STYK1: variants seen among roughly 807,000 people sequenced by gnomAD.
The protein encoded by STYK1 is tyrosine-protein kinase STYK1.
A neutral mutation model predicts 48.1 loss-of-function variants in STYK1; 46 were observed. The observed-to-expected ratio is 0.96, with a 90% CI of 0.75 to 1.22. STYK1 has a LOEUF of 1.22. Ranked by LOEUF, STYK1 falls within the 50% of genes most tolerant of loss-of-function variation. The pLI, the probability that STYK1 is intolerant of heterozygous loss-of-function variation, is 0.00. For synonymous variants in STYK1, 188 were observed against 189.0 expected (o/e 0.99, Z 0.04); for missense variants, 527 against 521.1 (o/e 1.01, Z -0.11).
chr12:10,673,036 G>A (rs1254346823), intron 1 of STYK1, among the ~76,000 whole-genome samples: 1 of 151,900 alleles, frequency 6.6e-6, no homozygotes, highest in Non-Finnish European at 1.5e-5. Context: ...AAGGAAGTGT[G>A]GTCTCATAGG....
At position 10,641,971 on chromosome 12, in the gene STYK1, C is replaced by T. The variant is rs546622365; in HGVS notation, c.-194-4775G>A. ...TTTGGTGGGTGATTCATTCAGCATC[C>T]GGAAGCATGTCACCTGACCTTGCCA... On this transcript the variant is annotated intron_variant, in intron 1 of 10. Coordinates refer to ENST00000075503, the MANE Select transcript of STYK1 (RefSeq NM_018423.3). Among the ~76,000 whole-genome samples the T allele has an allele frequency of 1.4e-4, 21 of 152,290 alleles. No homozygotes were observed. In the South Asian group the frequency reaches 3.1e-3, roughly 23 times the overall value.
intron 2 of STYK1, among the ~76,000 whole-genome samples, chr12:10,636,674 A>G (rs1014385470): frequency 1.3e-5 from 2 of 152,202 alleles, no homozygotes; most frequent in African/African-American, 4.8e-5. Context: ...TGCTATTATC[A>G]TTCTTATTTT....
chr12:10,660,415 C>T (rs954024506), intron 1 of STYK1, among the ~76,000 whole-genome samples: 3 of 152,124 alleles, frequency 2.0e-5, no homozygotes, highest in South Asian at 4.1e-4. Flanking sequence ...GAAGATGGAT[C>T]GTCATCCCTC....
At chr12:10,637,043 A>T (rs2120673558) in intron 2 of STYK1, 28 bp downstream of exon 2, 1 of 152,254 alleles carries the variant, frequency 6.6e-6, no homozygotes, top group Non-Finnish European at 1.5e-5. Context: ...CCTTACACTA[A>T]CTATCACACC....
At chr12:10,640,054 T>C (rs532599706) in intron 1 of STYK1, among the ~76,000 whole-genome samples, 1 of 152,300 alleles carries the variant, frequency 6.6e-6, no homozygotes, top group East Asian at 1.9e-4. Flanking sequence ...GAATCAGAAT[T>C]TTTTTCCTAG....
chr12:10,658,039 TG>T (rs554568165), intron 1 of STYK1, among the ~76,000 whole-genome samples: 80 of 152,326 alleles, frequency 5.3e-4, no homozygotes, highest in African/African-American at 1.9e-3. Flanking sequence ...GAGCAAATTG[TG>T]GAAGATTTGT....
At position 10,634,231 on chromosome 12, in the gene STYK1, C is replaced by A; in HGVS notation, c.53-107G>T. ...CTCAGCTCATCATACATGAAAAGGT[C>A]ATCTCTTCTACCATCTCCTCTACTT... On this transcript the variant is annotated intron_variant, in intron 3 of 10. Coordinates refer to ENST00000075503, the MANE Select transcript of STYK1 (RefSeq NM_018423.3). 3.8e-6 allele frequency: 5 copies of A among 1,310,776 alleles called. No individual in the cohort carries two copies. In the South Asian group the frequency reaches 7.1e-5, roughly 19 times the overall value. 81.2% of individuals were successfully genotyped at this position (1,310,776 alleles called of 1,614,324 possible).
At chr12:10,666,452 A>G (rs1947834468) in intron 1 of STYK1, among the ~76,000 whole-genome samples, 1 of 152,228 alleles carries the variant, frequency 6.6e-6, no homozygotes, top group Admixed American at 6.5e-5. Context: ...CCCACAACAC[A>G]GTACATCTGG....
At chr12:10,630,138 C>A (rs1350594452) in intron 5 of STYK1, among the ~76,000 whole-genome samples, 2 of 151,416 alleles carry the variant, frequency 1.3e-5, no homozygotes, top group Admixed American at 1.3e-4. Context: ...GTAATCCCAG[C>A]ACTTTGGGAG....
At chr12:10,631,348 C>A in intron 4 of STYK1, 40 bp from the exon 5 acceptor site, 1 of 1,597,708 alleles carries the variant, frequency 6.3e-7, no homozygotes, top group South Asian at 1.1e-5. Flanking sequence ...TTTCCCCGCC[C>A]TGGGGATCCC....
At chr12:10,638,395 T>G (rs1047939082) in intron 1 of STYK1, among the ~76,000 whole-genome samples, 1 of 152,026 alleles carries the variant, frequency 6.6e-6, no homozygotes, top group African/African-American at 2.4e-5. Context: ...AACAGTGCAA[T>G]GAAGGAGATA....
intron 1 of STYK1, among the ~76,000 whole-genome samples, chr12:10,641,246 T>C (rs1309316903): frequency 8.5e-5 from 13 of 152,196 alleles, no homozygotes; most frequent in Non-Finnish European, 1.8e-4. Context: ...CTCCTTTTCC[T>C]ACCTGATTAA....
chr12:10,650,586 C>G (rs547075584), intron 1 of STYK1, among the ~76,000 whole-genome samples: 1 of 152,176 alleles, frequency 6.6e-6, no homozygotes, highest in African/African-American at 2.4e-5. Flanking sequence ...TTTCCTTCAA[C>G]GCATTAGCAT....
intron 1 of STYK1, chr12:10,667,598 C>G (rs916218824): frequency 1.3e-5 from 2 of 152,476 alleles, no homozygotes; most frequent in Non-Finnish European, 2.9e-5. Context: ...CCACTGTACT[C>G]CAGCCTGAGC....
chr12:10,632,597 A>G (rs1947441820), intron 4 of STYK1, among the ~76,000 whole-genome samples: 1 of 152,182 alleles, frequency 6.6e-6, no homozygotes, highest in African/African-American at 2.4e-5. Flanking sequence ...GATTTCAAGC[A>G]GATAACTAAC....
chr12:10,622,573 C>T lies in STYK1; in HGVS notation c.967+65G>A. 3 of 1,582,530 alleles carry T rather than the reference C, an allele frequency of 1.9e-6. 1 individual carries two copies. Among genetic ancestry groups the T allele is most frequent in the Admixed American group, 3.3e-5 (2 of 59,782 alleles). On this transcript the variant is annotated intron_variant, in intron 9 of 10. Transcript: ENST00000075503. ...CCTTTCAGAAAGCATACATCATCCA[C>T]CCCTTAAATAAACACGCTTGCATAT...
chr12:10,655,746 G>T (rs1947711099), intron 1 of STYK1, among the ~76,000 whole-genome samples: 1 of 152,158 alleles, frequency 6.6e-6, no homozygotes, highest in Non-Finnish European at 1.5e-5. Context: ...CATCTGGGAG[G>T]TTACCTTTGG....
At chr12:10,641,192 C>A (rs996716662) in intron 1 of STYK1, among the ~76,000 whole-genome samples, 18 of 152,150 alleles carry the variant, frequency 1.2e-4, no homozygotes, top group Admixed American at 1.3e-4. Context: ...GAACTCACAA[C>A]GCCACCCCCA....
intron 1 of STYK1, among the ~76,000 whole-genome samples, chr12:10,673,330 T>TC (rs760769597): frequency 6.2e-4 from 94 of 151,844 alleles, no homozygotes; most frequent in Non-Finnish European, 9.0e-4. Flanking sequence ...TGAACCGAGA[T>TC]CGCGCCATTG....
Sources: allele counts gnomAD v4.1 joint callset (sites outside exome capture counted in the v4.1 genomes callset), GRCh38; gene constraint gnomAD v4.1.1; transcripts MANE v1.5; gene names NCBI Gene and HGNC (gene_info 2026-07-23, HGNC 2026-07-21).